CCSER1: variants seen among roughly 807,000 people sequenced by gnomAD.
CCSER1 encodes coiled-coil serine rich protein 1, also known as serine-rich coiled-coil domain-containing protein 1.
In CCSER1, 41 loss-of-function variants were observed where a neutral mutation model predicts 82.0. The ratio of observed to expected loss-of-function variants is 0.50; its 90% CI spans 0.39 to 0.65. The LOEUF (loss-of-function observed/expected upper bound fraction) is 0.65, where lower values mean the gene tolerates loss of function less well. Among genes scored for constraint, CCSER1 ranks in the 30% least tolerant of loss-of-function variants. CCSER1 has a pLI of 0.00. For missense variants in CCSER1, 1,119 were observed against 1,064.2 expected (o/e 1.05, Z -0.72); for synonymous variants, 414 against 383.9 (o/e 1.08, Z -0.92).
intron 3 of CCSER1, among the ~76,000 whole-genome samples, chr4:90,367,469 C>CAAAT (rs1434722604): frequency 6.6e-6 from 1 of 151,494 alleles, no homozygotes; most frequent in Non-Finnish European, 1.5e-5. Context: ...CAGTGCTTGG[C>CAAAT]AAATAGTGCT....
chr4:90,477,632 A>G (rs1453519298), intron 5 of CCSER1, among the ~76,000 whole-genome samples: 1 of 147,880 alleles, frequency 6.8e-6, no homozygotes, highest in Non-Finnish European at 1.5e-5. Context: ...AAAAGAAAGT[A>G]TTATCTTTTT....
intron 8 of CCSER1, among the ~76,000 whole-genome samples, chr4:90,884,147 A>G (rs1401548108): frequency 1.3e-5 from 2 of 152,196 alleles, no homozygotes; most frequent in Non-Finnish European, 2.9e-5. Context: ...CTAGCTCTCA[A>G]TGGAGAGGTC....
intron 10 of CCSER1, among the ~76,000 whole-genome samples, chr4:91,444,438 T>A (rs546336273): frequency 7.5e-6 from 1 of 132,868 alleles, no homozygotes; most frequent in South Asian, 2.6e-4. Context: ...ATCATTTTTT[T>A]TAAAGTGCCA....
At chr4:90,212,005 T>C (rs1432921951) in intron 1 of CCSER1, among the ~76,000 whole-genome samples, 1 of 152,214 alleles carries the variant, frequency 6.6e-6, no homozygotes, top group Non-Finnish European at 1.5e-5. Context: ...AGCCCTTTAG[T>C]TATTTGAATA....
At chr4:91,185,503 G>T (rs192040302) in intron 10 of CCSER1, among the ~76,000 whole-genome samples, 1 of 152,204 alleles carries the variant, frequency 6.6e-6, no homozygotes, top group Non-Finnish European at 1.5e-5. Flanking sequence ...CACAGCTTTT[G>T]TGCAGCATAA....
At chr4:91,558,710 GA>G (rs1762516761) in intron 10 of CCSER1, among the ~76,000 whole-genome samples, 1 of 151,466 alleles carries the variant, frequency 6.6e-6, no homozygotes, top group South Asian at 2.1e-4. Context: ...GGAAACCCCT[GA>G]AAAACCCATC....
chr4:90,283,555 A>G (rs945937733), intron 1 of CCSER1, among the ~76,000 whole-genome samples: 1 of 152,096 alleles, frequency 6.6e-6, no homozygotes, highest in Admixed American at 6.6e-5. Flanking sequence ...AAAATATACA[A>G]TAAAATGTTT....
chr4:90,550,895 T>A (rs1243439785), intron 5 of CCSER1, among the ~76,000 whole-genome samples: 1 of 152,160 alleles, frequency 6.6e-6, no homozygotes, highest in Non-Finnish European at 1.5e-5. Context: ...TTAACATCGT[T>A]CTAGTTGCAA....
In CCSER1 at chr4:90,662,210, G is replaced by A. The variant is rs540527700; in HGVS notation, c.1932+33978G>A. Among the ~76,000 whole-genome samples, 3 of 151,930 alleles carry A rather than the reference G, an allele frequency of 2.0e-5. No homozygotes were observed. In the East Asian group the frequency reaches 5.8e-4, roughly 30 times the overall value. On this transcript the variant is annotated intron_variant, in intron 6 of 10. Transcript: ENST00000509176. ...AAATGGGTTTCACCGTGTTAGCCAGGGTGGTCTCCATCTCCTGACCTCGTG... is the reference window on the plus strand; with the variant it reads ...AAATGGGTTTCACCGTGTTAGCCAGAGTGGTCTCCATCTCCTGACCTCGTG...
chr4:90,383,655 C>A (rs28476593), intron 3 of CCSER1, among the ~76,000 whole-genome samples: 55,471 of 151,834 alleles, frequency 0.37, 10,677 homozygotes, highest in African/African-American at 0.47. Context: ...AGGCCAAAAA[C>A]ACATATATTT....
chr4:90,487,394 A>C (rs945060133), intron 5 of CCSER1, among the ~76,000 whole-genome samples: 3 of 152,246 alleles, frequency 2.0e-5, no homozygotes, highest in Non-Finnish European at 4.4e-5. Context: ...TGAGACAATC[A>C]TAAGTGCACT....
At chr4:91,031,758 C>A (rs1221619661) in intron 9 of CCSER1, among the ~76,000 whole-genome samples, 4 of 151,946 alleles carry the variant, frequency 2.6e-5, no homozygotes, top group African/African-American at 7.3e-5. Flanking sequence ...ATTTACAATA[C>A]CACAGATTGT....
At chr4:91,221,231 T>C (rs1048969952) in intron 10 of CCSER1, among the ~76,000 whole-genome samples, 7 of 152,118 alleles carry the variant, frequency 4.6e-5, no homozygotes, top group Admixed American at 4.6e-4. Context: ...ATAGTTGTTT[T>C]CCTCTAACAT....
At chr4:90,960,009 C>T (rs772148438) in intron 9 of CCSER1, among the ~76,000 whole-genome samples, 1 of 152,056 alleles carries the variant, frequency 6.6e-6, no homozygotes, top group Non-Finnish European at 1.5e-5. Flanking sequence ...TAATTGTGCT[C>T]CAGCAAGACA....
chr4:90,334,066 G>C (rs987454202), intron 3 of CCSER1, among the ~76,000 whole-genome samples: 12 of 152,136 alleles, frequency 7.9e-5, no homozygotes, highest in African/African-American at 2.7e-4. Context: ...CCTTCTTTCT[G>C]TTTTGTATTC....
At chr4:91,534,652 GACA>G (rs1761207628) in intron 10 of CCSER1, among the ~76,000 whole-genome samples, 1 of 151,880 alleles carries the variant, frequency 6.6e-6, no homozygotes, top group Non-Finnish European at 1.5e-5. Context: ...TAAGCTATGT[GACA>G]ACATGTTTAT....
At chr4:91,046,677 GATA>G (rs1435436011) in intron 9 of CCSER1, among the ~76,000 whole-genome samples, 1 of 151,968 alleles carries the variant, frequency 6.6e-6, no homozygotes, top group African/African-American at 2.4e-5. Flanking sequence ...AGAGGGAGAG[GATA>G]ATATGTTTTT....
At chr4:90,873,719 T>C (rs1466482881) in intron 8 of CCSER1, among the ~76,000 whole-genome samples, 2 of 152,124 alleles carry the variant, frequency 1.3e-5, no homozygotes, top group Non-Finnish European at 2.9e-5. Flanking sequence ...TTTATGTATA[T>C]GTATGTACAT....
At chr4:90,544,224 G>A (rs1436483096) in intron 5 of CCSER1, among the ~76,000 whole-genome samples, 3 of 152,034 alleles carry the variant, frequency 2.0e-5, no homozygotes, top group Non-Finnish European at 4.4e-5. Context: ...TGCAAAATTA[G>A]GAAACAGTCC....
Sources: allele counts gnomAD v4.1 joint callset (sites outside exome capture counted in the v4.1 genomes callset), GRCh38; gene constraint gnomAD v4.1.1; transcripts MANE v1.5; gene names NCBI Gene and HGNC (gene_info 2026-07-23, HGNC 2026-07-21).